LRFN5: variants seen among roughly 807,000 people sequenced by gnomAD.
The protein encoded by LRFN5 is leucine-rich repeat and fibronectin type-III domain-containing protein 5.
A neutral mutation model predicts 45.6 loss-of-function variants in LRFN5; 24 were observed. That is an observed-to-expected ratio of 0.53 (90% CI 0.38 to 0.74). The LOEUF (loss-of-function observed/expected upper bound fraction) is 0.74, where lower values mean the gene tolerates loss of function less well. LRFN5 is among the 30% of genes least tolerant of loss of function. The pLI is 0.00. For missense variants in LRFN5, 776 were observed against 861.5 expected (o/e 0.90, Z 1.24); for synonymous variants, 340 against 313.8 (o/e 1.08, Z -0.88).
At chr14:41,614,735 C>T (rs1438227130) in intron 1 of LRFN5, among the ~76,000 whole-genome samples, 10 of 152,050 alleles carry the variant, frequency 6.6e-5, no homozygotes, top group Non-Finnish European at 1.0e-4. Context: ...TCAGAATCCT[C>T]ACCTAAGAAA....
At chr14:41,637,593 G>A (rs1331689864) in intron 1 of LRFN5, among the ~76,000 whole-genome samples, 1 of 152,030 alleles carries the variant, frequency 6.6e-6, no homozygotes, top group Non-Finnish European at 1.5e-5. Context: ...CATGTTTGAG[G>A]TCTATTTCAG....
chr14:41,661,662 G>A (rs115711434), intron 1 of LRFN5, among the ~76,000 whole-genome samples: 2,835 of 152,064 alleles, frequency 0.019, 83 homozygotes, highest in African/African-American at 0.064. Context: ...ATCACTTATC[G>A]TGTTAGGTGA....
At chr14:41,730,984 A>G (rs73311004) in intron 1 of LRFN5, among the ~76,000 whole-genome samples, 6,809 of 152,114 alleles carry the variant, frequency 0.045, 336 homozygotes, top group African/African-American at 0.12. Flanking sequence ...ATGGGATTTT[A>G]GCATCTAGAT....
intron 2 of LRFN5, among the ~76,000 whole-genome samples, chr14:41,802,650 A>T (rs1396402432): frequency 2.0e-5 from 3 of 152,174 alleles, no homozygotes; most frequent in African/African-American, 7.2e-5. Flanking sequence ...GTGGTCTTTA[A>T]ATTTTACATG....
At chr14:41,898,401 G>A (rs1891005945) in intron 4 of LRFN5, among the ~76,000 whole-genome samples, 1 of 152,030 alleles carries the variant, frequency 6.6e-6, no homozygotes, top group South Asian at 2.1e-4. Flanking sequence ...ACAGGTACTT[G>A]TTAAAATATT....
In LRFN5 at chr14:41,704,015, C is replaced by A. The variant is rs540263469; in HGVS notation, c.-196-62839C>A. Among the ~76,000 whole-genome samples the A allele has an allele frequency of 3.7e-4, 57 of 152,114 alleles. 1 individual carries two copies. The highest frequency in any genetic ancestry group is 1.3e-3 in the African/African-American group (55 of 41,494). On this transcript the variant is annotated intron_variant, in intron 1 of 5. Transcript: ENST00000298119. ...CCATTATTTACCCCAGAATTTTTTA[C>A]CCTGTCAATATGACCTTCTATATTC...
At chr14:41,777,834 A>G (rs970327662) in intron 2 of LRFN5, among the ~76,000 whole-genome samples, 3 of 151,792 alleles carry the variant, frequency 2.0e-5, no homozygotes, top group African/African-American at 7.2e-5. Context: ...CATAATGAAC[A>G]TTATGGAGAT....
chr14:41,793,689 C>T (rs1182920725), intron 2 of LRFN5, among the ~76,000 whole-genome samples: 2 of 148,864 alleles, frequency 1.3e-5, no homozygotes, highest in African/African-American at 4.9e-5. Context: ...ATACAGTTAT[C>T]CTACTCCTAA....
chr14:41,886,569 T>A, intron 2 of LRFN5, 37 bp from the exon 3 acceptor site: 1 of 1,326,324 alleles, frequency 7.5e-7, no homozygotes, highest in Non-Finnish European at 1.0e-6. Flanking sequence ...ATTAAATCAC[T>A]GGATGCTAAC....
At chr14:41,829,747 G>A (rs1888415098) in intron 2 of LRFN5, among the ~76,000 whole-genome samples, 1 of 150,888 alleles carries the variant, frequency 6.6e-6, no homozygotes, top group Non-Finnish European at 1.5e-5. Context: ...TTTTTGCTAA[G>A]TCAATATTTT....
In LRFN5 at chr14:41,891,538, T is replaced by C. The variant is rs1483535795; in HGVS notation, c.1674T>C (p.Asn558=). The change falls in exon 4 of 6, where the codon AAT becomes AAC. Residue 558 remains asparagine, a synonymous_variant. Transcript: ENST00000298119. ...TCCGGTATAAGGTTTGCAACAATAA[T>C]GGGCAACACAAGGTCACCAAGGTTA... ...LMIRYKVCNN[N]GQHKVTKVSN... The C allele has an allele frequency of 5.6e-6, 9 of 1,614,084 alleles. No homozygotes were observed. Among genetic ancestry groups the C allele is most frequent in the Non-Finnish European group, 7.6e-6 (9 of 1,180,048 alleles).
intron 2 of LRFN5, among the ~76,000 whole-genome samples, chr14:41,834,404 T>C (rs74045468): frequency 0.012 from 1,894 of 152,270 alleles, 38 homozygotes; most frequent in African/African-American, 0.042. Flanking sequence ...CAAATCACCA[T>C]ATTGAATGAG....
At chr14:41,807,306 T>C (rs1887558774) in intron 2 of LRFN5, among the ~76,000 whole-genome samples, 1 of 152,158 alleles carries the variant, frequency 6.6e-6, no homozygotes, top group Non-Finnish European at 1.5e-5. Context: ...ATGATCGTTT[T>C]GTATCCATTG....
At chr14:41,885,834 T>C (rs1482049148) in intron 2 of LRFN5, among the ~76,000 whole-genome samples, 1 of 151,766 alleles carries the variant, frequency 6.6e-6, no homozygotes, top group African/African-American at 2.4e-5. Context: ...CAGCCCAACA[T>C]GACAAACCCT....
chr14:41,808,225 AGG>A (rs1887590682), intron 2 of LRFN5, among the ~76,000 whole-genome samples: 1 of 143,650 alleles, frequency 7.0e-6, no homozygotes, highest in African/African-American at 2.6e-5. Flanking sequence ...GAAGGAAGGA[AGG>A]AAGGAAGGAA....
At chr14:41,709,121 G>A (rs140746223) in intron 1 of LRFN5, among the ~76,000 whole-genome samples, 200 of 152,060 alleles carry the variant, frequency 1.3e-3, no homozygotes, top group Middle Eastern at 3.4e-3. Context: ...TCATGTAACT[G>A]TAAGTTTGAT....
At chr14:41,706,603 C>T (rs1883078138) in intron 1 of LRFN5, among the ~76,000 whole-genome samples, 1 of 152,104 alleles carries the variant, frequency 6.6e-6, no homozygotes, top group Non-Finnish European at 1.5e-5. Flanking sequence ...CTCAGGCCAT[C>T]TGTAGTTATT....
At chr14:41,699,768 G>A (rs1882761720) in intron 1 of LRFN5, 4 of 152,100 alleles carry the variant, frequency 2.6e-5, no homozygotes, top group Admixed American at 2.6e-4. Context: ...ACTTTACATG[G>A]AGATATCATC....
chr14:41,733,547 T>C (rs1298739951), intron 1 of LRFN5: 1 of 152,028 alleles, frequency 6.6e-6, no homozygotes, highest in Non-Finnish European at 1.5e-5. Flanking sequence ...TTAAAATAAA[T>C]GTTAAGGAGA....
Sources: gnomAD v4.1 joint callset for allele counts (sites outside exome capture counted in the v4.1 genomes callset) on GRCh38, gnomAD v4.1.1 for gene constraint, MANE v1.5 for transcripts, NCBI Gene and HGNC (gene_info 2026-07-23, HGNC 2026-07-21) for gene names.